FLT1: variants seen among roughly 807,000 people sequenced by gnomAD.
The protein encoded by FLT1 is fms related receptor tyrosine kinase 1.
In FLT1, 49 loss-of-function variants were observed where a neutral mutation model predicts 156.3. The ratio of observed to expected loss-of-function variants is 0.31; its 90% CI spans 0.25 to 0.40. The LOEUF (loss-of-function observed/expected upper bound fraction) is 0.40, where lower values mean the gene tolerates loss of function less well. Ranked by LOEUF, FLT1 falls within the 10% of genes least tolerant of loss-of-function variation. FLT1 has a pLI of 1.00. For synonymous variants in FLT1, 594 were observed against 583.8 expected (o/e 1.02, Z -0.25); for missense variants, 1,322 against 1,637.2 (o/e 0.81, Z 3.32).
chr13:28,357,889 T>TTTTTTTTTC (rs1491354372), intron 14 of FLT1, among the ~76,000 whole-genome samples: 1 of 145,182 alleles, frequency 6.9e-6, no homozygotes, highest in African/African-American at 2.6e-5. Flanking sequence ...TTTTTTTTTT[T>TTTTTTTTTC]CTGCAGGCTT....
At chr13:28,386,539 G>T (rs1047500943) in intron 13 of FLT1, 1 of 1,052,760 alleles carries the variant, frequency 9.5e-7, no homozygotes, top group African/African-American at 1.7e-5. Context: ...TGATAGCAAT[G>T]ATTCTTTTGC....
At chr13:28,484,581 C>A (rs1051565434) in intron 1 of FLT1, among the ~76,000 whole-genome samples, 1 of 152,118 alleles carries the variant, frequency 6.6e-6, no homozygotes, top group Non-Finnish European at 1.5e-5. Flanking sequence ...ACAGTGTCTG[C>A]CACATACAGC....
intron 19 of FLT1, 84 bp downstream of exon 19, chr13:28,329,531 G>C (rs1255954687): frequency 7.2e-6 from 7 of 965,680 alleles, no homozygotes; most frequent in African/African-American, 3.2e-5. Context: ...AGCACAGTGC[G>C]GGGGAGAAGG....
chr13:28,479,012 C>A (rs1880699288), intron 1 of FLT1, among the ~76,000 whole-genome samples: 1 of 152,172 alleles, frequency 6.6e-6, no homozygotes, highest in Non-Finnish European at 1.5e-5. Flanking sequence ...TAATTTTCAG[C>A]TTACTTTGAT....
intron 11 of FLT1, among the ~76,000 whole-genome samples, chr13:28,398,038 G>GA (rs1050612646): frequency 6.6e-6 from 1 of 150,930 alleles, no homozygotes; most frequent in Non-Finnish European, 1.5e-5. Flanking sequence ...TTCTTCCAAA[G>GA]AAAAAAAATT....
At chr13:28,382,911 G>T (rs1022230820) in intron 14 of FLT1, among the ~76,000 whole-genome samples, 5 of 152,224 alleles carry the variant, frequency 3.3e-5, no homozygotes, top group East Asian at 1.9e-4. Context: ...ATTTGGAGTT[G>T]TTATACCACA....
intron 10 of FLT1, among the ~76,000 whole-genome samples, chr13:28,425,126 T>C (rs553073671): frequency 6.6e-6 from 1 of 152,342 alleles, no homozygotes; most frequent in South Asian, 2.1e-4. Context: ...CTCACACAGG[T>C]AGGCTACTCA....
At chr13:28,462,489 T>G (rs1879634160) in intron 3 of FLT1, among the ~76,000 whole-genome samples, 1 of 151,934 alleles carries the variant, frequency 6.6e-6, no homozygotes, top group African/African-American at 2.4e-5. Context: ...TGTAATTTGT[T>G]TTTGTTTATG....
intron 15 of FLT1, 143 bp downstream of exon 15, chr13:28,357,411 G>A (rs947369125): frequency 8.7e-5 from 73 of 835,378 alleles, no homozygotes; most frequent in Admixed American, 3.0e-4. Flanking sequence ...GTCCCTTCCC[G>A]GAGTGGCAGG....
chr13:28,309,003 C>T lies in FLT1; in HGVS notation c.3636-76G>A, dbSNP rs61763567. 3.7e-4 allele frequency: 309 copies of T among 826,856 alleles called. 2 individuals carry two copies. Among genetic ancestry groups the T allele is most frequent in the South Asian group, 1.7e-3 (126 of 73,812 alleles). 51.2% of individuals were successfully genotyped at this position (826,856 alleles called of 1,614,324 possible). A position where few individuals can be genotyped will look rare whatever the true frequency, so the allele number is the denominator to read the frequency against. On this transcript the variant is annotated intron_variant, in intron 27 of 29. Transcript: ENST00000282397. The stretch of plus-strand genomic sequence containing the variant: ...TAATGAGTCAGGAGACCACAGGCAC[C>T]ATATCCCAGCTAAGATGAACCAACA...
At chr13:28,385,141 G>A (rs1593730308) in intron 13 of FLT1, 110 bp from the exon 14 acceptor site, 1 of 1,135,816 alleles carries the variant, frequency 8.8e-7, no homozygotes, top group South Asian at 1.3e-5. Flanking sequence ...CAACTATTAG[G>A]TTTCATTTTC....
intron 15 of FLT1, among the ~76,000 whole-genome samples, chr13:28,349,018 G>A (rs1233321768): frequency 1.3e-5 from 2 of 152,166 alleles, no homozygotes; most frequent in Admixed American, 6.5e-5. Flanking sequence ...TCTAGGTGCT[G>A]GTATACAGTT....
chr13:28,372,048 G>GTGTGTGTGTATA (rs1288888215), intron 14 of FLT1, among the ~76,000 whole-genome samples: 2 of 75,590 alleles, frequency 2.6e-5, no homozygotes, highest in Non-Finnish European at 4.7e-5. Context: ...GTGTGTGTGT[G>GTGTGTGTGTATA]TATATATATA....
chr13:28,302,039 G>C lies in FLT1; in HGVS notation c.*1128C>G, dbSNP rs1438399319. 8.6e-6 allele frequency: 2 copies of C among 233,474 alleles called. No individual in the cohort carries two copies. Among genetic ancestry groups the C allele is most frequent in the Non-Finnish European group, 1.7e-5 (2 of 118,046 alleles). The allele number at this position is 233,474 out of a possible 1,614,324, so 14.5% of individuals were successfully genotyped here. On this transcript the variant is annotated 3_prime_UTR_variant, in exon 30 of 30. Transcript: ENST00000282397. Reference sequence around the variant, plus strand: ...ACTTCCTGTGTTTTGGGTCCCAACTGTGTTGGTGAATTGGTTTGGTTGGTA... The same window carrying C: ...ACTTCCTGTGTTTTGGGTCCCAACTCTGTTGGTGAATTGGTTTGGTTGGTA...
At chr13:28,372,563 AATGTATATATATATATATATATATATAT>A (rs1873653245) in intron 14 of FLT1, among the ~76,000 whole-genome samples, 1 of 46,594 alleles carries the variant, frequency 2.1e-5, no homozygotes, top group South Asian at 9.2e-4. Context: ...GTTTAAATAA[AATGTATATATATATATATATATATATAT>A]ATATATATAT....
intron 10 of FLT1, among the ~76,000 whole-genome samples, chr13:28,406,714 T>G (rs932948322): frequency 1.2e-4 from 19 of 152,036 alleles, no homozygotes; most frequent in African/African-American, 4.6e-4. Context: ...GGTGCAATCA[T>G]AGGTCACTGC....
intron 18 of FLT1, 46 bp from the exon 19 acceptor site, chr13:28,329,774 T>G: frequency 1.3e-6 from 2 of 1,498,158 alleles, no homozygotes; most frequent in Non-Finnish European, 1.9e-6. Flanking sequence ...ACAATGGGGC[T>G]CCTTCCGCCG....
intron 3 of FLT1, among the ~76,000 whole-genome samples, chr13:28,458,369 G>A (rs1403105631): frequency 1.3e-5 from 2 of 152,172 alleles, no homozygotes; most frequent in Non-Finnish European, 2.9e-5. Flanking sequence ...ATGTATAACT[G>A]CGTCGTTGCT....
chr13:28,450,351 G>A (rs1250909112), intron 3 of FLT1, among the ~76,000 whole-genome samples: 1 of 152,222 alleles, frequency 6.6e-6, no homozygotes, highest in South Asian at 2.1e-4. Context: ...ATTTAAGCTT[G>A]ATGGACTGTA....
Sources: gnomAD v4.1 joint callset for allele counts (sites outside exome capture counted in the v4.1 genomes callset) on GRCh38, gnomAD v4.1.1 for gene constraint, MANE v1.5 for transcripts, NCBI Gene and HGNC (gene_info 2026-07-23, HGNC 2026-07-21) for gene names.